The following ADCY2 variants were observed in gnomAD, a reference collection of about 807,000 sequenced individuals.
ADCY2 encodes adenylate cyclase 2, also known as adenylate cyclase type 2.
ADCY2 carries 31 observed loss-of-function variants against 125.2 expected under a neutral mutation model. That is an observed-to-expected ratio of 0.25 (90% confidence interval 0.19 to 0.33). ADCY2 has a LOEUF of 0.33. Ranked by LOEUF, ADCY2 falls within the 10% of genes least tolerant of loss-of-function variation. ADCY2 has a pLI of 1.00. For missense variants in ADCY2, 904 were observed against 1,418.2 expected (o/e 0.64, Z 5.82); for synonymous variants, 512 against 548.4 (o/e 0.93, Z 0.93).
intron 16 of ADCY2, 90 bp downstream of exon 16, chr5:7,757,676 C>A: frequency 6.6e-7 from 1 of 1,525,244 alleles, no homozygotes; most frequent in Non-Finnish European, 8.8e-7. Flanking sequence ...CAGCCGTGTT[C>A]AACATGGTAA....
chr5:7,680,827 T>C (rs1740304892), intron 4 of ADCY2, among the ~76,000 whole-genome samples: 1 of 152,200 alleles, frequency 6.6e-6, no homozygotes, highest in South Asian at 2.1e-4. Flanking sequence ...TTAGCTAATA[T>C]TTGATGTGAT....
intron 3 of ADCY2, among the ~76,000 whole-genome samples, chr5:7,585,980 T>A (rs546623609): frequency 6.6e-6 from 1 of 152,260 alleles, no homozygotes; most frequent in African/African-American, 2.4e-5. Flanking sequence ...GTAAAACATG[T>A]AATTATATGC....
chr5:7,487,743 A>G (rs1181021292), intron 2 of ADCY2, among the ~76,000 whole-genome samples: 1 of 152,256 alleles, frequency 6.6e-6, no homozygotes, highest in African/African-American at 2.4e-5. Flanking sequence ...CTGGGAGAAG[A>G]TGAAGATTAT....
chr5:7,481,721 GT>G (rs1425696359), intron 2 of ADCY2, among the ~76,000 whole-genome samples: 1 of 152,092 alleles, frequency 6.6e-6, no homozygotes, highest in African/African-American at 2.4e-5. Flanking sequence ...CAGAACAGCA[GT>G]CTGTATATAT....
chr5:7,517,362 A>C (rs565127056), intron 2 of ADCY2, among the ~76,000 whole-genome samples: 31 of 152,216 alleles, frequency 2.0e-4, no homozygotes, highest in Non-Finnish European at 3.5e-4. Flanking sequence ...GCATTCGACT[A>C]TCTGGAGCTT....
At position 7,396,843 on chromosome 5, in the gene ADCY2, C is replaced by G. The variant is rs1418384215; in HGVS notation, c.210+337C>G. On this transcript the variant is annotated intron_variant, in intron 1 of 24. Transcript: ENST00000338316. This position sits in a 1 kb window ranked among gnomAD's most constrained non-coding sequence, Gnocchi z 5.7. Reference sequence around the variant, plus strand: ...GCTTTCCGCCGGGCACCGCTGCCCGCAGCGCTGGAATAGGTCTTCCCCGAC... The same window carrying G: ...GCTTTCCGCCGGGCACCGCTGCCCGGAGCGCTGGAATAGGTCTTCCCCGAC... Among the ~76,000 whole-genome samples the G allele has an allele frequency of 6.6e-6, 1 of 152,188 alleles. No individual in the cohort carries two copies. The highest frequency in any genetic ancestry group is 1.5e-5 in the Non-Finnish European group (1 of 68,028).
chr5:7,822,490 T>G (rs1051698707), intron 24 of ADCY2, among the ~76,000 whole-genome samples: 4 of 152,252 alleles, frequency 2.6e-5, no homozygotes, highest in African/African-American at 9.6e-5. Context: ...AGAATGTGTT[T>G]CAGTGAAGAG....
intron 2 of ADCY2, among the ~76,000 whole-genome samples, chr5:7,426,188 A>C (rs1740379647): frequency 6.6e-6 from 1 of 152,226 alleles, no homozygotes; most frequent in Non-Finnish European, 1.5e-5. Flanking sequence ...GTGCCCTCTA[A>C]TAGGAGTTTT....
intron 3 of ADCY2, among the ~76,000 whole-genome samples, chr5:7,539,301 T>A (rs1219985134): frequency 6.6e-6 from 1 of 152,062 alleles, no homozygotes; most frequent in Non-Finnish European, 1.5e-5. Context: ...AGACATATTT[T>A]AAGCAACTGC....
chr5:7,509,767 A>G (rs975415361), intron 2 of ADCY2, among the ~76,000 whole-genome samples: 1 of 152,240 alleles, frequency 6.6e-6, no homozygotes, highest in Non-Finnish European at 1.5e-5. Flanking sequence ...GCCTAAGGTA[A>G]CTGTATGGGA....
intron 2 of ADCY2, among the ~76,000 whole-genome samples, chr5:7,491,256 ATT>A (rs34685344): frequency 6.8e-6 from 1 of 146,554 alleles, no homozygotes. Context: ...ATTAAAAATG[ATT>A]TTTTTTTTTT....
At chr5:7,515,526 G>A (rs1012228103) in intron 2 of ADCY2, among the ~76,000 whole-genome samples, 1 of 152,192 alleles carries the variant, frequency 6.6e-6, no homozygotes, top group Non-Finnish European at 1.5e-5. Context: ...TCTGACAAAT[G>A]TCTGTCCAGT....
At chr5:7,698,146 T>G in intron 6 of ADCY2, 101 bp from the exon 7 acceptor site, 1 of 1,452,438 alleles carries the variant, frequency 6.9e-7, no homozygotes, top group Non-Finnish European at 9.5e-7. Flanking sequence ...CAGATGCCCC[T>G]GGAATGGTGT....
chr5:7,397,138 TAAG>T (rs2111427533), intron 1 of ADCY2, among the ~76,000 whole-genome samples: 2 of 152,350 alleles, frequency 1.3e-5, no homozygotes, highest in Non-Finnish European at 1.5e-5. Flanking sequence ...AGACTACAGT[TAAG>T]AAGCGTTTGG....
At chr5:7,738,267 C>A (rs1340433538) in intron 14 of ADCY2, among the ~76,000 whole-genome samples, 1 of 151,812 alleles carries the variant, frequency 6.6e-6, no homozygotes, top group African/African-American at 2.4e-5. Flanking sequence ...TGAAGTGGCA[C>A]AATATTAATG....
chr5:7,660,674 A>G (rs986366742), intron 4 of ADCY2, among the ~76,000 whole-genome samples: 3 of 152,062 alleles, frequency 2.0e-5, no homozygotes, highest in Non-Finnish European at 4.4e-5. Context: ...TCTTCAGGGG[A>G]TCTCAGTCTT....
chr5:7,754,118 C>T (rs4334848), intron 15 of ADCY2, among the ~76,000 whole-genome samples: 60,605 of 151,926 alleles, frequency 0.4, 12,483 homozygotes, highest in Admixed American at 0.53. Flanking sequence ...CAAGTGCTGC[C>T]GATTCGTCAT....
At chr5:7,496,350 A>C (rs1743345806) in intron 2 of ADCY2, among the ~76,000 whole-genome samples, 1 of 152,206 alleles carries the variant, frequency 6.6e-6, no homozygotes, top group Non-Finnish European at 1.5e-5. Context: ...TAAGACGAAG[A>C]CTAAAGAGGG....
At chr5:7,581,334 A>G (rs1489836959) in intron 3 of ADCY2, among the ~76,000 whole-genome samples, 3 of 152,202 alleles carry the variant, frequency 2.0e-5, no homozygotes, top group African/African-American at 7.2e-5. Flanking sequence ...TATATAGAGT[A>G]TACTGTATAG....
Sources: allele counts gnomAD v4.1 joint callset (sites outside exome capture counted in the v4.1 genomes callset), GRCh38; gene constraint gnomAD v4.1.1; non-coding constraint Gnocchi (gnomAD v3.1); transcripts MANE v1.5; gene names NCBI Gene and HGNC (gene_info 2026-07-23, HGNC 2026-07-21).